Variants in SND1 observed in about 807,000 individuals in gnomAD.
The protein encoded by SND1 is staphylococcal nuclease and tudor domain containing 1.
Under a neutral mutation model 121.7 loss-of-function variants are expected in SND1, and 38 were observed. The ratio of observed to expected loss-of-function variants is 0.31; its 90% CI spans 0.24 to 0.41. The LOEUF (loss-of-function observed/expected upper bound fraction) is 0.41, where lower values mean the gene tolerates loss of function less well. Ranked by LOEUF, SND1 falls within the 10% of genes least tolerant of loss-of-function variation. The pLI, the probability that SND1 is intolerant of heterozygous loss-of-function variation, is 1.00. For missense variants in SND1, 868 were observed against 1,184.6 expected (o/e 0.73, Z 3.92); for synonymous variants, 401 against 447.4 (o/e 0.90, Z 1.31).
chr7:127,857,941 C>G, intron 12 of SND1: 2 of 1,355,182 alleles, frequency 1.5e-6, no homozygotes, highest in South Asian at 2.3e-5. Flanking sequence ...AGGAAAGTAG[C>G]CTTCGCTCAC....
intron 1 of SND1, among the ~76,000 whole-genome samples, chr7:127,667,728 T>C (rs1483741375): frequency 6.6e-6 from 1 of 152,234 alleles, no homozygotes; most frequent in Non-Finnish European, 1.5e-5. Context: ...GTAAACAATA[T>C]TACAGATCAG....
Position 128,028,448 on chromosome 7 carries a change from C to G in SND1, c.1779+37392C>G, listed in dbSNP as rs1010795999. ...GCAAGTTAACTTGTGGCTTGTACCC[C>G]ACAACGTTCCCAAGATTCCCCCCCA... On this transcript the variant is annotated intron_variant, in intron 16 of 23. Coordinates refer to ENST00000354725, the MANE Select transcript of SND1 (RefSeq NM_014390.4). 254 of 456,432 alleles carry G rather than the reference C, an allele frequency of 5.6e-4. 3 individuals are homozygous for G. In the Admixed American group the frequency reaches 5.9e-3, roughly 11 times the overall value. 28.3% of individuals were successfully genotyped at this position (456,432 alleles called of 1,614,324 possible).
intron 12 of SND1, among the ~76,000 whole-genome samples, chr7:127,876,974 C>T (rs976478544): frequency 2.6e-5 from 4 of 152,056 alleles, no homozygotes; most frequent in Non-Finnish European, 5.9e-5. Context: ...TGAAGATGGA[C>T]ATTGTTTTAT....
At chr7:127,873,650 GT>G (rs1256242383) in intron 12 of SND1, among the ~76,000 whole-genome samples, 1 of 152,090 alleles carries the variant, frequency 6.6e-6, no homozygotes, top group Non-Finnish European at 1.5e-5. Flanking sequence ...TTTGTTTTGT[GT>G]TTTTTAAGAG....
chr7:127,813,546 TTTG>T (rs575148903), intron 11 of SND1, among the ~76,000 whole-genome samples: 11 of 152,180 alleles, frequency 7.2e-5, no homozygotes, highest in East Asian at 1.9e-4. Context: ...AAGTGTGTTA[TTTG>T]TTGTTGTTGT....
intron 10 of SND1, among the ~76,000 whole-genome samples, chr7:127,742,610 A>G (rs1796902467): frequency 6.6e-6 from 1 of 152,054 alleles, no homozygotes; most frequent in African/African-American, 2.4e-5. Context: ...GGCGGCAAGT[A>G]CCATGTACCT....
intron 16 of SND1, among the ~76,000 whole-genome samples, chr7:128,008,867 T>C (rs1396729798): frequency 2.0e-5 from 3 of 152,196 alleles, no homozygotes. Flanking sequence ...TTAACTCTGA[T>C]TTTTTTCCCC....
intron 10 of SND1, among the ~76,000 whole-genome samples, chr7:127,759,166 A>G (rs775424078): frequency 1.3e-5 from 2 of 152,190 alleles, no homozygotes; most frequent in Non-Finnish European, 2.9e-5. Context: ...GACAAGTCAA[A>G]TGAATCGATA....
At chr7:128,051,181 G>T (rs1047213344) in intron 16 of SND1, among the ~76,000 whole-genome samples, 2 of 152,186 alleles carry the variant, frequency 1.3e-5, no homozygotes, top group African/African-American at 4.8e-5. Context: ...TTCCCATGGG[G>T]TATCTTGGAG....
chr7:127,897,835 GT>G (rs543166341), intron 13 of SND1, among the ~76,000 whole-genome samples: 78 of 151,850 alleles, frequency 5.1e-4, no homozygotes, highest in African/African-American at 1.8e-3. Context: ...CTTAAACGGT[GT>G]TTTTTTTCTT....
At chr7:127,804,758 T>C (rs1798201818) in intron 10 of SND1, among the ~76,000 whole-genome samples, 1 of 150,902 alleles carries the variant, frequency 6.6e-6, no homozygotes, top group African/African-American at 2.4e-5. Context: ...AAAAAAAATG[T>C]AGGTAAGTTG....
At chr7:127,714,358 C>G (rs143433077) in intron 9 of SND1, among the ~76,000 whole-genome samples, 1 of 152,124 alleles carries the variant, frequency 6.6e-6, no homozygotes. Flanking sequence ...TCCATGGGTA[C>G]AGTAGATTTT....
At chr7:128,073,254 T>C (rs990922506) in intron 16 of SND1, among the ~76,000 whole-genome samples, 3 of 152,234 alleles carry the variant, frequency 2.0e-5, no homozygotes, top group Admixed American at 2.0e-4. Context: ...ACTGGACCTA[T>C]ATGTTCTCCA....
At chr7:127,683,750 T>G (rs1430403583) in intron 1 of SND1, among the ~76,000 whole-genome samples, 2 of 152,228 alleles carry the variant, frequency 1.3e-5, no homozygotes, top group African/African-American at 4.8e-5. Context: ...GTGAATCTAT[T>G]TCTTTTGCTT....
chr7:127,989,364 C>G (rs755319296), intron 15 of SND1, among the ~76,000 whole-genome samples: 13 of 152,204 alleles, frequency 8.5e-5, no homozygotes, highest in Non-Finnish European at 1.3e-4. Context: ...CCTTGGGGCT[C>G]AGAGAGAAAG....
At chr7:127,767,150 A>G (rs932866325) in intron 10 of SND1, among the ~76,000 whole-genome samples, 2 of 152,148 alleles carry the variant, frequency 1.3e-5, no homozygotes, top group Non-Finnish European at 2.9e-5. Context: ...TGTTGATGGC[A>G]TTCCTTTATC....
intron 15 of SND1, among the ~76,000 whole-genome samples, chr7:127,967,069 C>T (rs1172877151): frequency 6.6e-6 from 1 of 152,164 alleles, no homozygotes; most frequent in African/African-American, 2.4e-5. Flanking sequence ...TCCTGTAGCA[C>T]CCTTCTGCAA....
chr7:128,071,781 C>T (rs936319909), intron 16 of SND1, among the ~76,000 whole-genome samples: 1 of 152,206 alleles, frequency 6.6e-6, no homozygotes, highest in Non-Finnish European at 1.5e-5. Context: ...TGAGAAATTA[C>T]TGTGGCTGTG....
chr7:127,890,452 G>A (rs928337052), intron 13 of SND1, among the ~76,000 whole-genome samples: 5 of 152,150 alleles, frequency 3.3e-5, no homozygotes, highest in Non-Finnish European at 5.9e-5. Flanking sequence ...GATTTGGGGG[G>A]TTGGTCCATG....
Sources: allele counts gnomAD v4.1 joint callset (sites outside exome capture counted in the v4.1 genomes callset), GRCh38; gene constraint gnomAD v4.1.1; transcripts MANE v1.5; gene names NCBI Gene and HGNC (gene_info 2026-07-23, HGNC 2026-07-21).